The following ST3GAL1 variants were observed in gnomAD, a reference collection of about 807,000 sequenced individuals.
ST3GAL1 encodes ST3 beta-galactoside alpha-2,3-sialyltransferase 1.
ST3GAL1 carries 16 observed loss-of-function variants against 34.1 expected under a neutral mutation model. That is an observed-to-expected ratio of 0.47 (90% confidence interval 0.32 to 0.71). The LOEUF is 0.71. Among genes scored for constraint, ST3GAL1 ranks in the 30% least tolerant of loss-of-function variants. ST3GAL1 has a pLI of 0.04. For missense variants in ST3GAL1, 353 were observed against 447.4 expected, an observed-to-expected ratio of 0.79 and a Z score of 1.90; for synonymous variants, 191 against 184.7, an observed-to-expected ratio of 1.03 and a Z score of -0.28.
chr8:133,541,175 T>C, intron 2 of ST3GAL1, among the ~76,000 whole-genome samples: 1 of 142,154 alleles, frequency 7.0e-6, no homozygotes, highest in African/African-American at 2.7e-5. Flanking sequence ...TCCCTCTTTC[T>C]CACCCCTAGC....
chr8:133,541,120 T>TATATATATATATATAGAGAGAGAGAGAG (rs71299078), intron 2 of ST3GAL1, among the ~76,000 whole-genome samples: 1 of 48,628 alleles, frequency 2.1e-5, no homozygotes, highest in African/African-American at 9.9e-5. Flanking sequence ...TATATATATA[T>TATATATATATATATAGAGAGAGAGAGAG]AGAGAGAGAG....
chr8:133,546,422 A>T lies in ST3GAL1; in HGVS notation c.-581-496T>A, dbSNP rs542281769. ...TGCTTGAACCTGGGAGGTGAAGGTT[A>T]CAGTGAGCCCAGATCGTGCCACTGC... On this transcript the variant is annotated intron_variant, in intron 1 of 9. Transcript: ENST00000522652. Among the ~76,000 whole-genome samples the T allele has an allele frequency of 1.3e-4, 19 of 150,124 alleles. 1 individual carries two copies. The South Asian group carries it at 2.1e-3, about 17-fold the overall frequency.
chr8:133,547,277 C>CT (rs545499937), intron 1 of ST3GAL1, among the ~76,000 whole-genome samples: 101 of 146,824 alleles, frequency 6.9e-4, no homozygotes, highest in South Asian at 4.3e-3. Flanking sequence ...GAGAATCATT[C>CT]TTTTTTTTTT....
At chr8:133,513,321 C>A (rs1253782800) in intron 2 of ST3GAL1, among the ~76,000 whole-genome samples, 3 of 152,226 alleles carry the variant, frequency 2.0e-5, no homozygotes, top group Non-Finnish European at 4.4e-5. Flanking sequence ...CAAGGAGATT[C>A]CAGTACATCT....
chr8:133,468,859 G>GAGCC (rs1815842253), intron 5 of ST3GAL1, among the ~76,000 whole-genome samples: 1 of 152,178 alleles, frequency 6.6e-6, no homozygotes, highest in Non-Finnish European at 1.5e-5. Flanking sequence ...TACACTCTGA[G>GAGCC]AGCCCCAGGG....
intron 1 of ST3GAL1, among the ~76,000 whole-genome samples, chr8:133,548,939 G>A (rs1818747680): frequency 6.6e-6 from 1 of 152,222 alleles, no homozygotes; most frequent in African/African-American, 2.4e-5. Context: ...CAATCTCAGA[G>A]AATCCATCAG....
At chr8:133,548,750 A>G (rs1818743596) in intron 1 of ST3GAL1, among the ~76,000 whole-genome samples, 1 of 152,224 alleles carries the variant, frequency 6.6e-6, no homozygotes, top group Non-Finnish European at 1.5e-5. Flanking sequence ...AGCACCGGGC[A>G]TCACCTCAAT....
chr8:133,460,649 C>T (rs1375437377), intron 9 of ST3GAL1, among the ~76,000 whole-genome samples: 1 of 152,192 alleles, frequency 6.6e-6, no homozygotes, highest in East Asian at 1.9e-4. Flanking sequence ...AGCCTTGGAG[C>T]TTATAGCTTC....
At chr8:133,462,104 A>G in intron 8 of ST3GAL1, 110 bp from the exon 9 acceptor site, 2 of 1,502,732 alleles carry the variant, frequency 1.3e-6, no homozygotes, top group Non-Finnish European at 1.8e-6. Flanking sequence ...CCATGAGCCT[A>G]ATAGATACGC....
At chr8:133,486,482 G>A (rs1337678228) in intron 3 of ST3GAL1, among the ~76,000 whole-genome samples, 4 of 152,166 alleles carry the variant, frequency 2.6e-5, no homozygotes, top group South Asian at 2.1e-4. Context: ...ACTCAACGCC[G>A]CTCTCCTCCC....
chr8:133,526,495 T>C (rs1817978051), intron 2 of ST3GAL1, among the ~76,000 whole-genome samples: 2 of 152,188 alleles, frequency 1.3e-5, no homozygotes, highest in African/African-American at 4.8e-5. Context: ...TTGATCTAGA[T>C]GTCTGTCTCC....
Position 133,464,708 on chromosome 8 carries a change from G to A in ST3GAL1, c.683+70C>T, listed in dbSNP as rs1448702606. On this transcript the variant is annotated intron_variant, in intron 7 of 9. Transcript: ENST00000522652. The stretch of plus-strand genomic sequence containing the variant: ...CCCGGTGGAGGCACAGCAGGACCAC[G>A]GCAGGGTGGGGGGACAGGGTGCCAC... 17 of 1,529,536 alleles carry A rather than the reference G, an allele frequency of 1.1e-5. 2 individuals carry two copies. The highest frequency in any genetic ancestry group is 3.9e-4 in the Middle Eastern group (2 of 5,184). The allele number at this position is 1,529,536 out of a possible 1,614,324, so 94.7% of individuals were successfully genotyped here.
At chr8:133,559,859 A>AC (rs956796259) in intron 1 of ST3GAL1, among the ~76,000 whole-genome samples, 30 of 151,092 alleles carry the variant, frequency 2.0e-4, no homozygotes, top group Non-Finnish European at 2.5e-4. Context: ...CTTTCTCCAA[A>AC]CCCCCCGGCA....
intron 2 of ST3GAL1, among the ~76,000 whole-genome samples, chr8:133,545,136 T>A (rs1480753675): frequency 6.6e-6 from 1 of 152,250 alleles, no homozygotes; most frequent in East Asian, 1.9e-4. Context: ...TTAATTAAAA[T>A]TTCATTATCC....
intron 5 of ST3GAL1, among the ~76,000 whole-genome samples, chr8:133,471,138 C>T (rs773672499): frequency 6.6e-6 from 1 of 152,194 alleles, no homozygotes; most frequent in Non-Finnish European, 1.5e-5. Flanking sequence ...TCACCGCAGG[C>T]CTCATTCCAA....
chr8:133,529,188 GC>G (rs1818069265), intron 2 of ST3GAL1, among the ~76,000 whole-genome samples: 1 of 152,214 alleles, frequency 6.6e-6, no homozygotes, highest in Non-Finnish European at 1.5e-5. Context: ...CGGCTTTCTA[GC>G]CCTCTTGCCA....
chr8:133,462,229 C>G (rs1815540328), intron 8 of ST3GAL1, among the ~76,000 whole-genome samples: 1 of 152,060 alleles, frequency 6.6e-6, no homozygotes, highest in Non-Finnish European at 1.5e-5. Context: ...GAGGAGGGCC[C>G]TACAGGACCG....
At chr8:133,539,214 T>C (rs1417855385) in intron 2 of ST3GAL1, among the ~76,000 whole-genome samples, 1 of 152,164 alleles carries the variant, frequency 6.6e-6, no homozygotes, top group Non-Finnish European at 1.5e-5. Flanking sequence ...AAGAACGAAG[T>C]TCTTTCGCCC....
rs1819045870 is a variant in ST3GAL1, at chr8:133,556,848, G to C, written c.-581-10922C>G. Among the ~76,000 whole-genome samples the C allele has an allele frequency of 6.6e-6, 1 of 152,156 alleles. No individual in the cohort carries two copies. The highest frequency in any genetic ancestry group is 2.4e-5 in the African/African-American group (1 of 41,422). On this transcript the variant is annotated intron_variant, in intron 1 of 9. Coordinates refer to ENST00000522652, the MANE Select transcript of ST3GAL1 (RefSeq NM_173344.3). This position sits in a 1 kb window ranked among gnomAD's most constrained non-coding sequence, Gnocchi z 8.9. Reference sequence around the variant, plus strand: ...GACATTTTGTTCTTTTGGCCTCTTAGATGATAAAACTAAGTGGAGGGAAGT... The same window carrying C: ...GACATTTTGTTCTTTTGGCCTCTTACATGATAAAACTAAGTGGAGGGAAGT...
Sources: gnomAD v4.1 joint callset for allele counts (sites outside exome capture counted in the v4.1 genomes callset) on GRCh38, gnomAD v4.1.1 for gene constraint, Gnocchi (gnomAD v3.1) non-coding constraint, MANE v1.5 for transcripts, NCBI Gene and HGNC (gene_info 2026-07-23, HGNC 2026-07-21) for gene names.